The following GRIK4 variants were observed in gnomAD, a reference collection of about 807,000 sequenced individuals.
GRIK4 encodes glutamate receptor ionotropic, kainate 4.
GRIK4 carries 40 observed loss-of-function variants against 104.9 expected under a neutral mutation model. That is an observed-to-expected ratio of 0.38 (90% CI 0.30 to 0.50). The LOEUF (loss-of-function observed/expected upper bound fraction) is 0.50. GRIK4 is among the 20% of genes least tolerant of loss of function. The pLI is 0.93. For synonymous variants in GRIK4, 485 were observed against 524.9 expected (o/e 0.92, Z 1.04); for missense variants, 1,047 against 1,308.1 (o/e 0.80, Z 3.08).
intron 3 of GRIK4, among the ~76,000 whole-genome samples, chr11:120,788,747 A>G (rs186537591): frequency 5.3e-5 from 8 of 151,550 alleles, no homozygotes; most frequent in Admixed American, 2.6e-4. Context: ...AGCCCTTCTT[A>G]TCTTAATTTA....
In GRIK4 at chr11:120,613,052, G is replaced by A. The variant is rs1297368318; in HGVS notation, c.-158-40633G>A. Among the ~76,000 whole-genome samples, 3 of 152,208 alleles carry A rather than the reference G, an allele frequency of 2.0e-5. No individual in the cohort carries two copies. The East Asian group carries it at 5.8e-4, about 29-fold the overall frequency. On this transcript the variant is annotated intron_variant, in intron 1 of 20. Coordinates refer to ENST00000527524, the MANE Select transcript of GRIK4 (RefSeq NM_014619.5). ...GTTGCTGGGATAAAGAGCCATTTGA[G>A]GCTGGAGGGCTGGTCTCTGCCATTG...
intron 3 of GRIK4, among the ~76,000 whole-genome samples, chr11:120,707,989 C>G (rs1053094042): frequency 3.3e-5 from 5 of 152,172 alleles, no homozygotes; most frequent in Non-Finnish European, 7.3e-5. Context: ...GCACCATAGT[C>G]ACAAGCCCAC....
chr11:120,611,425 C>T (rs569114981), intron 1 of GRIK4, among the ~76,000 whole-genome samples: 2 of 152,292 alleles, frequency 1.3e-5, no homozygotes, highest in Non-Finnish European at 2.9e-5. Context: ...TTAACGTGTG[C>T]GTGTCTGCAT....
At chr11:120,621,445 T>A (rs181886585) in intron 1 of GRIK4, among the ~76,000 whole-genome samples, 1 of 152,248 alleles carries the variant, frequency 6.6e-6, no homozygotes, top group East Asian at 1.9e-4. Context: ...AGAAACCCCC[T>A]CCCAGCTCAT....
At chr11:120,933,151 A>C (rs1943516741) in intron 13 of GRIK4, among the ~76,000 whole-genome samples, 1 of 152,208 alleles carries the variant, frequency 6.6e-6, no homozygotes, top group African/African-American at 2.4e-5. Flanking sequence ...CACACCAGAG[A>C]AGCACATTGT....
intron 1 of GRIK4, among the ~76,000 whole-genome samples, chr11:120,635,303 A>C (rs899359212): frequency 1.3e-5 from 2 of 152,212 alleles, no homozygotes; most frequent in African/African-American, 4.8e-5. Context: ...TCAGCTATGC[A>C]AATTGAGAGG....
intron 18 of GRIK4, among the ~76,000 whole-genome samples, chr11:120,964,227 G>T (rs943993897): frequency 6.6e-6 from 1 of 151,992 alleles, no homozygotes; most frequent in Non-Finnish European, 1.5e-5. Context: ...CCTGACCTCA[G>T]GTGATCCACC....
chr11:120,737,105 A>T (rs1951238630), intron 3 of GRIK4, among the ~76,000 whole-genome samples: 1 of 152,208 alleles, frequency 6.6e-6, no homozygotes, highest in African/African-American at 2.4e-5. Context: ...TATACTCATG[A>T]GTTCATAATG....
intron 3 of GRIK4, among the ~76,000 whole-genome samples, chr11:120,685,381 G>A (rs1022832800): frequency 5.9e-5 from 9 of 152,194 alleles, no homozygotes; most frequent in African/African-American, 1.9e-4. Context: ...TGAGAAACAT[G>A]GGTCTAACCC....
rs751712119 is a variant in GRIK4 at position 120,940,308 on chromosome 11, A to G, written c.1477-39A>G. 6.9e-6 allele frequency: 9 copies of G among 1,299,322 alleles called. No homozygotes were observed. The highest frequency in any genetic ancestry group is 8.9e-6 in the Non-Finnish European group (8 of 899,316). The allele number at this position is 1,299,322 out of a possible 1,614,324, so 80.5% of individuals were successfully genotyped here. ...CGCAAGTCTCTGTGCCTCTTCTCCT[A>G]TGGCCACCCCACTGACGGGCTGTCT... On this transcript the variant is annotated intron_variant, in intron 13 of 20. Coordinates refer to ENST00000527524, the MANE Select transcript of GRIK4 (RefSeq NM_014619.5). The surrounding 1 kb of genome is among the most constrained non-coding windows in gnomAD (Gnocchi z 4.3).
At chr11:120,839,888 C>A (rs1022659055) in intron 8 of GRIK4, among the ~76,000 whole-genome samples, 6 of 152,224 alleles carry the variant, frequency 3.9e-5, no homozygotes, top group Admixed American at 3.9e-4. Flanking sequence ...CATCACGAAT[C>A]GAACTTCTAA....
chr11:120,679,730 T>A (rs1438336604), intron 3 of GRIK4, among the ~76,000 whole-genome samples: 1 of 152,188 alleles, frequency 6.6e-6, no homozygotes, highest in African/African-American at 2.4e-5. Context: ...CTTTGGGCTC[T>A]CTCATGCCTC....
intron 1 of GRIK4, among the ~76,000 whole-genome samples, chr11:120,631,805 C>T (rs1488147872): frequency 6.6e-6 from 1 of 152,196 alleles, no homozygotes; most frequent in East Asian, 1.9e-4. Flanking sequence ...TTACTGTTTA[C>T]TCCAGAGCTC....
intron 8 of GRIK4, among the ~76,000 whole-genome samples, chr11:120,850,688 G>A (rs1439257167): frequency 2.0e-5 from 3 of 152,172 alleles, no homozygotes; most frequent in Non-Finnish European, 4.4e-5. Flanking sequence ...CTAGCAGGGA[G>A]GCTGGTGGCC....
chr11:120,643,341 A>C (rs1949495028), intron 1 of GRIK4, among the ~76,000 whole-genome samples: 1 of 152,130 alleles, frequency 6.6e-6, no homozygotes, highest in South Asian at 2.1e-4. Flanking sequence ...ATTTGGAGGA[A>C]CGTGTTCTAG....
intron 3 of GRIK4, among the ~76,000 whole-genome samples, chr11:120,729,554 GTCT>G (rs1217141182): frequency 1.3e-5 from 2 of 152,168 alleles, no homozygotes; most frequent in Non-Finnish European, 2.9e-5. Context: ...CCATTTGTAC[GTCT>G]TCTTTTGAGA....
At chr11:120,689,720 C>T (rs1347173490) in intron 3 of GRIK4, among the ~76,000 whole-genome samples, 1 of 152,180 alleles carries the variant, frequency 6.6e-6, no homozygotes, top group Non-Finnish European at 1.5e-5. Flanking sequence ...CCAAATGAGT[C>T]ATTTCTCTTC....
chr11:120,723,760 C>T (rs1244950588), intron 3 of GRIK4, among the ~76,000 whole-genome samples: 1 of 151,708 alleles, frequency 6.6e-6, no homozygotes, highest in Non-Finnish European at 1.5e-5. Context: ...TGTGACGCTC[C>T]AAACCAGTGG....
intron 13 of GRIK4, among the ~76,000 whole-genome samples, chr11:120,930,961 C>T (rs1051179418): frequency 2.0e-5 from 3 of 152,224 alleles, no homozygotes; most frequent in East Asian, 1.9e-4. Context: ...TGCTGTGGTG[C>T]GTAAGTGAGT....
Sources: allele counts gnomAD v4.1 joint callset (sites outside exome capture counted in the v4.1 genomes callset), GRCh38; gene constraint gnomAD v4.1.1; non-coding constraint Gnocchi (gnomAD v3.1); transcripts MANE v1.5; gene names NCBI Gene and HGNC (gene_info 2026-07-23, HGNC 2026-07-21).